PRKD1: variants seen among roughly 807,000 people sequenced by gnomAD.
PRKD1 encodes serine/threonine-protein kinase D1.
In PRKD1, 63 loss-of-function variants were observed where a neutral mutation model predicts 95.9. That is an observed-to-expected ratio of 0.66 (90% CI 0.54 to 0.81). The LOEUF (loss-of-function observed/expected upper bound fraction) is 0.81. Among genes scored for constraint, PRKD1 ranks in the 30% least tolerant of loss-of-function variants. The pLI, the probability that PRKD1 is intolerant of heterozygous loss-of-function variation, is 0.00. For synonymous variants in PRKD1, 425 were observed against 423.1 expected (o/e 1.00, Z -0.05); for missense variants, 1,048 against 1,165.3 (o/e 0.90, Z 1.47).
At chr14:29,585,747 A>C (rs559142184) in intron 16 of PRKD1, among the ~76,000 whole-genome samples, 1 of 152,328 alleles carries the variant, frequency 6.6e-6, no homozygotes, top group Admixed American at 6.5e-5. Flanking sequence ...TGCTGAGAGT[A>C]ACTGCCATGC....
At chr14:29,704,121 C>T (rs768459140) in intron 2 of PRKD1, among the ~76,000 whole-genome samples, 5 of 152,018 alleles carry the variant, frequency 3.3e-5, no homozygotes, top group Admixed American at 2.6e-4. Flanking sequence ...GACTGTGAGG[C>T]GCTGAGGCTG....
At chr14:29,602,172 A>AAGG (rs919541552) in intron 13 of PRKD1, among the ~76,000 whole-genome samples, 1 of 152,182 alleles carries the variant, frequency 6.6e-6, no homozygotes, top group African/African-American at 2.4e-5. Context: ...AGTAGACAGG[A>AAGG]AGGGTAGGTG....
intron 1 of PRKD1, among the ~76,000 whole-genome samples, chr14:29,828,723 G>C (rs1320459037): frequency 1.3e-5 from 2 of 152,076 alleles, no homozygotes; most frequent in African/African-American, 4.8e-5. Context: ...AAGATAATCA[G>C]AGATTGGTCC....
In PRKD1 at chr14:29,886,608, A is replaced by T. The variant is rs376410962; in HGVS notation, c.264+40641T>A. Among the ~76,000 whole-genome samples the T allele has an allele frequency of 5.1e-4, 77 of 152,330 alleles. 1 individual carries two copies. The South Asian group carries it at 0.016, about 31-fold the overall frequency. On this transcript the variant is annotated intron_variant, in intron 1 of 17. Transcript: ENST00000331968. ...TTGGAGAGAGACCTCCTAGAAGTGTACTCAGCCATGCAATGAAAAAACTTA... is the reference window on the plus strand; with the variant it reads ...TTGGAGAGAGACCTCCTAGAAGTGTTCTCAGCCATGCAATGAAAAAACTTA...
intron 4 of PRKD1, 78 bp downstream of exon 4, chr14:29,663,621 T>C (rs1423856887): frequency 4.0e-6 from 6 of 1,518,568 alleles, no homozygotes; most frequent in Non-Finnish European, 5.5e-6. Context: ...TAGCGCCCTG[T>C]CTTGGATTGA....
intron 1 of PRKD1, among the ~76,000 whole-genome samples, chr14:29,892,618 TG>T (rs1370100309): frequency 4.6e-5 from 7 of 152,172 alleles, no homozygotes; most frequent in Admixed American, 6.5e-5. Flanking sequence ...AGAAGGTAGA[TG>T]ATCAAGGCTG....
At position 29,599,012 on chromosome 14, in the gene PRKD1, G is replaced by C; in HGVS notation, c.2166+15C>G. 6.2e-7 allele frequency: 1 copy of C among 1,601,140 alleles called. No individual in the cohort carries two copies. Among genetic ancestry groups the C allele is most frequent in the Non-Finnish European group, 8.6e-7 (1 of 1,169,166 alleles). ...TTCCAACTGGCTTTTTGCTGAGAGA[G>C]GCTTTTATACTTGCCTGAGGAAAAG... On this transcript the variant is annotated intron_variant, in intron 15 of 17. Coordinates refer to ENST00000331968, the MANE Select transcript of PRKD1 (RefSeq NM_002742.3).
intron 1 of PRKD1, among the ~76,000 whole-genome samples, chr14:29,858,798 T>C (rs748214810): frequency 6.6e-6 from 1 of 152,144 alleles, no homozygotes; most frequent in Non-Finnish European, 1.5e-5. Context: ...TGAAAGATAT[T>C]CTCATTTCTT....
intron 13 of PRKD1, among the ~76,000 whole-genome samples, chr14:29,614,950 AG>A (rs1878754536): frequency 6.8e-6 from 1 of 147,758 alleles, no homozygotes; most frequent in African/African-American, 2.5e-5. Flanking sequence ...GAGCTCAGGC[AG>A]TCTGCCCGCC....
intron 1 of PRKD1, among the ~76,000 whole-genome samples, chr14:29,909,055 G>C (rs929484213): frequency 6.6e-6 from 1 of 152,158 alleles, no homozygotes; most frequent in Non-Finnish European, 1.5e-5. Flanking sequence ...CATGAGTTCC[G>C]GGTGGGCGTG....
rs372947788 is a variant in PRKD1, at chr14:29,701,871, T to G, written c.403+23665A>C. On this transcript the variant is annotated intron_variant, in intron 2 of 17. Transcript: ENST00000331968. ...ATGATCTGAGGCTGATATTCTATAT[T>G]TCTGGTCTCAGACTTAAATCCTCTT... is the stretch of plus-strand genomic sequence containing the variant. Among the ~76,000 whole-genome samples the G allele has an allele frequency of 3.9e-5, 6 of 152,170 alleles. No homozygotes were observed. The East Asian group carries it at 1.2e-3, about 29-fold the overall frequency.
At chr14:29,864,446 C>T (rs1397127019) in intron 1 of PRKD1, among the ~76,000 whole-genome samples, 1 of 152,104 alleles carries the variant, frequency 6.6e-6, no homozygotes, top group African/African-American at 2.4e-5. Context: ...CCAAAGCATA[C>T]CTCAGAGAGC....
At chr14:29,677,635 G>A (rs937659138) in intron 2 of PRKD1, among the ~76,000 whole-genome samples, 1 of 152,206 alleles carries the variant, frequency 6.6e-6, no homozygotes, top group Non-Finnish European at 1.5e-5. Context: ...GAGTGCAGTG[G>A]CACAATCTCG....
chr14:29,696,458 T>C (rs1470026007), intron 2 of PRKD1, among the ~76,000 whole-genome samples: 1 of 152,200 alleles, frequency 6.6e-6, no homozygotes, highest in African/African-American at 2.4e-5. Flanking sequence ...TGTTTCACAT[T>C]TTCTACTAGG....
chr14:29,780,887 C>T (rs949582481), intron 1 of PRKD1, among the ~76,000 whole-genome samples: 1 of 152,070 alleles, frequency 6.6e-6, no homozygotes, highest in Non-Finnish European at 1.5e-5. Flanking sequence ...TTGGAACCAA[C>T]CCAAATGCTC....
At chr14:29,620,576 T>C (rs554549577) in intron 13 of PRKD1, among the ~76,000 whole-genome samples, 1 of 147,960 alleles carries the variant, frequency 6.8e-6, no homozygotes, top group Non-Finnish European at 1.5e-5. Context: ...CATGAAAAAA[T>C]GCTCATCATC....
chr14:29,672,116 G>A (rs1345148351), intron 2 of PRKD1, among the ~76,000 whole-genome samples: 2 of 152,130 alleles, frequency 1.3e-5, no homozygotes, highest in African/African-American at 4.8e-5. Context: ...GCCAAGGCAG[G>A]CAGATCACGA....
intron 1 of PRKD1, among the ~76,000 whole-genome samples, chr14:29,916,443 G>A (rs1349103651): frequency 6.6e-6 from 1 of 152,154 alleles, no homozygotes; most frequent in Non-Finnish European, 1.5e-5. Flanking sequence ...TGTTGTCACT[G>A]TTTCAGGTCT....
intron 10 of PRKD1, 124 bp from the exon 11 acceptor site, chr14:29,629,217 G>T (rs2139106165): frequency 6.1e-6 from 4 of 658,422 alleles, no homozygotes; most frequent in East Asian, 6.3e-5. Flanking sequence ...TAGCAATTAG[G>T]TTTTTCTAAG....
Sources: allele counts gnomAD v4.1 joint callset (sites outside exome capture counted in the v4.1 genomes callset), GRCh38; gene constraint gnomAD v4.1.1; transcripts MANE v1.5; gene names NCBI Gene and HGNC (gene_info 2026-07-23, HGNC 2026-07-21).